The following PCDHGA5 variants were observed in gnomAD, a reference collection of about 807,000 sequenced individuals.
The protein encoded by PCDHGA5 is protocadherin gamma-A5.
In PCDHGA5, 36 loss-of-function variants were observed where a neutral mutation model predicts 56.7. The ratio of observed to expected loss-of-function variants is 0.64; its 90% confidence interval spans 0.49 to 0.84. The LOEUF is 0.84. Ranked by LOEUF, PCDHGA5 falls within the 40% of genes least tolerant of loss-of-function variation. The pLI is 0.00. For synonymous variants in PCDHGA5, 563 were observed against 520.2 expected (o/e 1.08, Z -1.12); for missense variants, 1,305 against 1,201.5 (o/e 1.09, Z -1.27).
Position 141,395,019 on chromosome 5 carries a change from C to G in PCDHGA5, c.2421+28268C>G, listed in dbSNP as rs374672662. On this transcript the variant is annotated intron_variant, in intron 1 of 3. Transcript: ENST00000518069. ...TTCCGGTGGCAGATTGGTAGGCGTG[C>G]CTGCCTCACATTTTGTGGGTGTTGA... The G allele has an allele frequency of 3.7e-6, 6 of 1,613,986 alleles. No homozygotes were observed. Among genetic ancestry groups the G allele is most frequent in the Non-Finnish European group, 5.1e-6 (6 of 1,180,016 alleles).
At chr5:141,381,512 A>T (rs1777240689) in intron 1 of PCDHGA5, among the ~76,000 whole-genome samples, 1 of 152,218 alleles carries the variant, frequency 6.6e-6, no homozygotes, top group Non-Finnish European at 1.5e-5. Context: ...ATAGAGTAGG[A>T]TGAAGATTTG....
intron 1 of PCDHGA5, chr5:141,395,944 C>G (rs1218959085): frequency 6.6e-6 from 1 of 151,840 alleles, no homozygotes; most frequent in East Asian, 1.9e-4. Context: ...CATTGCTCCC[C>G]CAAACAAAAA....
chr5:141,404,648 G>C (rs1178706213), intron 1 of PCDHGA5: 1 of 1,614,148 alleles, frequency 6.2e-7, no homozygotes, highest in African/African-American at 1.3e-5. Flanking sequence ...CCTGTACCCT[G>C]CCCTCCCCAC....
chr5:141,427,139 T>C (rs1430333586), intron 1 of PCDHGA5: 2 of 456,952 alleles, frequency 4.4e-6, no homozygotes, highest in East Asian at 1.4e-4. Context: ...TACGAGATGA[T>C]ATTGGAAATA....
chr5:141,476,837 G>A lies in PCDHGA5; in HGVS notation c.2422-17970G>A, dbSNP rs1160244271. 4 of 1,613,534 alleles carry A rather than the reference G, an allele frequency of 2.5e-6. No individual in the cohort carries two copies. The highest frequency in any genetic ancestry group is 3.4e-6 in the Non-Finnish European group (4 of 1,180,054). On this transcript the variant is annotated intron_variant, in intron 1 of 3. Coordinates refer to ENST00000518069, the MANE Select transcript of PCDHGA5 (RefSeq NM_018918.3). The surrounding 1 kb of genome is among the most constrained non-coding windows in gnomAD (Gnocchi z 7.6). Reference sequence around the variant, plus strand: ...CAAGGTGCTGGACGCGAATGACAATGCGCCTGTCTTCAACCAGTCCTTGTA... The same window carrying A: ...CAAGGTGCTGGACGCGAATGACAATACGCCTGTCTTCAACCAGTCCTTGTA...
intron 1 of PCDHGA5, chr5:141,413,590 G>A (rs759901330): frequency 1.2e-6 from 2 of 1,613,886 alleles, no homozygotes; most frequent in Non-Finnish European, 1.7e-6. Flanking sequence ...AAAATTCCAA[G>A]CAGAAAATCT....
At chr5:141,395,620 CAAG>C (rs1298520628) in intron 1 of PCDHGA5, 1 of 189,326 alleles carries the variant, frequency 5.3e-6, no homozygotes, top group Non-Finnish European at 1.1e-5. Flanking sequence ...AGAAAATTAT[CAAG>C]AAGTCTAAAG....
At chr5:141,378,951 C>T (rs1775267163) in intron 1 of PCDHGA5, 1 of 152,180 alleles carries the variant, frequency 6.6e-6, no homozygotes, top group South Asian at 2.1e-4. Context: ...GAATGGAGTA[C>T]AGGGGATTCT....
In PCDHGA5 at chr5:141,476,374, GTTTGTGAACGACCGTC is replaced by G. The variant is rs1424626307; in HGVS notation, c.2422-18431_2422-18416del. 1 of 1,614,060 alleles carries G rather than the reference GTTTGTGAACGACCGTC, an allele frequency of 6.2e-7. No individual in the cohort carries two copies. The highest frequency in any genetic ancestry group is 1.3e-5 in the African/African-American group (1 of 74,922). Reference sequence around the variant, plus strand: ...AGGTGAACCGGGAGACCGGAGAGATGTTTGTGAACGACCGTCTGGATCGAGAGGAGCTGTGTGGGAC... The same window carrying G: ...AGGTGAACCGGGAGACCGGAGAGATGTGGATCGAGAGGAGCTGTGTGGGAC... On this transcript the variant is annotated intron_variant, in intron 1 of 3. Coordinates refer to ENST00000518069, the MANE Select transcript of PCDHGA5 (RefSeq NM_018918.3). The surrounding 1 kb of genome is among the most constrained non-coding windows in gnomAD (Gnocchi z 7.6).
rs921020435 is a variant in PCDHGA5, at chr5:141,477,853, G to A, written c.2422-16954G>A. 5.0e-6 allele frequency: 8 copies of A among 1,613,344 alleles called. No homozygotes were observed. The East Asian group carries it at 1.6e-4, about 31-fold the overall frequency. On this transcript the variant is annotated intron_variant, in intron 1 of 3. Coordinates refer to ENST00000518069, the MANE Select transcript of PCDHGA5 (RefSeq NM_018918.3). The surrounding 1 kb of genome is among the most constrained non-coding windows in gnomAD (Gnocchi z 4.9). The stretch of plus-strand genomic sequence containing the variant: ...GGCCAGGTGGGAGCTCGGTGGAGAT[G>A]CTGCCTCGAGGTACCTCAGCTGGCC...
At chr5:141,375,010 T>G in intron 1 of PCDHGA5, 2 of 1,614,050 alleles carry the variant, frequency 1.2e-6, no homozygotes, top group Non-Finnish European at 1.7e-6. Flanking sequence ...ATCTAGACTA[T>G]GAGGACTCGA....
intron 1 of PCDHGA5, among the ~76,000 whole-genome samples, chr5:141,463,762 T>C (rs113547206): frequency 2.0e-5 from 3 of 152,214 alleles, no homozygotes; most frequent in African/African-American, 4.8e-5. Flanking sequence ...TCTTCTCTTA[T>C]GGGTTAGAAT....
Position 141,431,633 on chromosome 5 carries a change from T to A in PCDHGA5, c.2422-63174T>A. ...TGTGGACGACAAGGCGGCCCAAGTT[T>A]TCAAACTAGATTGTAATTCAGGGAC... On this transcript the variant is annotated intron_variant, in intron 1 of 3. Coordinates refer to ENST00000518069, the MANE Select transcript of PCDHGA5 (RefSeq NM_018918.3). The surrounding 1 kb of genome is among the most constrained non-coding windows in gnomAD (Gnocchi z 4.8). 1 of 1,614,240 alleles carries A rather than the reference T, an allele frequency of 6.2e-7. No individual in the cohort carries two copies. The highest frequency in any genetic ancestry group is 8.5e-7 in the Non-Finnish European group (1 of 1,180,048).
intron 1 of PCDHGA5, chr5:141,413,373 C>T (rs1421093311): frequency 1.2e-6 from 2 of 1,613,946 alleles, no homozygotes; most frequent in Non-Finnish European, 1.7e-6. Flanking sequence ...TGGCGGAGCG[C>T]GGAGTCCGCA....
At position 141,510,842 on chromosome 5, in the gene PCDHGA5, G is replaced by A. The variant is rs531098325; in HGVS notation, c.2570-105G>A. 8.7e-5 allele frequency: 138 copies of A among 1,590,280 alleles called. No homozygotes were observed. The African/African-American group carries it at 1.7e-3, about 19-fold the overall frequency. ...TATTCCCAGTGCTCAGCGTGGTCAA[G>A]GCCCAGGGTGCTGTATAGGCATTCA... On this transcript the variant is annotated intron_variant, in intron 3 of 3. Coordinates refer to ENST00000518069, the MANE Select transcript of PCDHGA5 (RefSeq NM_018918.3).
chr5:141,473,756 A>G (rs2099328139), intron 1 of PCDHGA5, among the ~76,000 whole-genome samples: 1 of 152,228 alleles, frequency 6.6e-6, no homozygotes, highest in African/African-American at 2.4e-5. Context: ...CTTGGATACT[A>G]TGCAAAGGAT....
chr5:141,491,800 C>G lies in PCDHGA5; in HGVS notation c.2422-3007C>G. The G allele has an allele frequency of 6.7e-7, 1 of 1,500,854 alleles. No individual in the cohort carries two copies. The highest frequency in any genetic ancestry group is 8.9e-7 in the Non-Finnish European group (1 of 1,125,316). 93.0% of individuals were successfully genotyped at this position (1,500,854 alleles called of 1,614,324 possible). A position where few individuals can be genotyped will look rare whatever the true frequency, so the allele number is the denominator to read the frequency against. ...GAACTTGCATCCACTCCTCTCCGGC[C>G]GGCTTGGTCGCTGGCTGCGCTCCAC... On this transcript the variant is annotated intron_variant, in intron 1 of 3. Transcript: ENST00000518069. The surrounding 1 kb of genome is among the most constrained non-coding windows in gnomAD (Gnocchi z 6.9).
At chr5:141,371,274 C>G in intron 1 of PCDHGA5, 1 of 1,613,982 alleles carries the variant, frequency 6.2e-7, no homozygotes, top group South Asian at 1.1e-5. Context: ...ACTGTTCAAG[C>G]TGGACAGTAA....
chr5:141,460,277 A>C (rs2154566827), intron 1 of PCDHGA5, among the ~76,000 whole-genome samples: 1 of 152,124 alleles, frequency 6.6e-6, no homozygotes, highest in African/African-American at 2.4e-5. Context: ...TTTCTTTTAT[A>C]GTTTGTATTT....
Sources: allele counts gnomAD v4.1 joint callset (sites outside exome capture counted in the v4.1 genomes callset), GRCh38; gene constraint gnomAD v4.1.1; non-coding constraint Gnocchi (gnomAD v3.1); transcripts MANE v1.5; gene names NCBI Gene and HGNC (gene_info 2026-07-23, HGNC 2026-07-21).